CSNK1A1: variants seen among roughly 807,000 people sequenced by gnomAD.
CSNK1A1 encodes casein kinase 1 alpha 1.
CSNK1A1 carries 7 observed loss-of-function variants against 46.1 expected under a neutral mutation model. The ratio of observed to expected loss-of-function variants is 0.15; its 90% CI spans 0.09 to 0.29. CSNK1A1 has a LOEUF of 0.29. Among genes scored for constraint, CSNK1A1 ranks in the 10% least tolerant of loss-of-function variants. The pLI is 1.00. For missense variants in CSNK1A1, 96 were observed against 417.1 expected (o/e 0.23, Z 6.71); for synonymous variants, 137 against 141.5 (o/e 0.97, Z 0.23).
intron 2 of CSNK1A1, among the ~76,000 whole-genome samples, chr5:149,531,971 C>T (rs985442673): frequency 2.0e-5 from 3 of 152,068 alleles, no homozygotes; most frequent in Non-Finnish European, 4.4e-5. Context: ...ACAGTCTCTG[C>T]CTCCCAGGTT....
At chr5:149,512,934 TA>T (rs1163244390) in intron 5 of CSNK1A1, 135 bp downstream of exon 5, 17 of 1,034,616 alleles carry the variant, frequency 1.6e-5, no homozygotes, top group Non-Finnish European at 2.1e-5. Flanking sequence ...AAGCAGCAGG[TA>T]AAATGATTAA....
intron 2 of CSNK1A1, among the ~76,000 whole-genome samples, chr5:149,545,095 CCATCTCAA>C (rs1762430804): frequency 7.1e-5 from 10 of 140,504 alleles, no homozygotes; most frequent in Admixed American, 3.9e-4. Flanking sequence ...GAGCAAGACT[CCATCTCAA>C]AAAAAAAAAA....
intron 9 of CSNK1A1, chr5:149,497,190 A>T: frequency 9.5e-7 from 1 of 1,048,274 alleles, no homozygotes; most frequent in Non-Finnish European, 1.1e-6. Flanking sequence ...TCACATATTT[A>T]TCAAATCAAT....
At chr5:149,505,358 C>T in intron 9 of CSNK1A1, 89 bp downstream of exon 9, 1 of 1,486,456 alleles carries the variant, frequency 6.7e-7, no homozygotes, top group Admixed American at 2.4e-5. Context: ...TTTAAAACCA[C>T]CTCCTTGATC....
At chr5:149,498,217 A>G in intron 9 of CSNK1A1, 1 of 984,850 alleles carries the variant, frequency 1.0e-6, no homozygotes, top group Non-Finnish European at 1.2e-6. Context: ...TTTCTTATGC[A>G]TATATGCCCC....
At chr5:149,537,568 T>C (rs1762097298) in intron 2 of CSNK1A1, among the ~76,000 whole-genome samples, 1 of 151,872 alleles carries the variant, frequency 6.6e-6, no homozygotes, top group Non-Finnish European at 1.5e-5. Flanking sequence ...TAGAAATTCC[T>C]TGTGGTAATT....
intron 9 of CSNK1A1, chr5:149,501,070 G>A: frequency 1.0e-6 from 1 of 985,368 alleles, no homozygotes; most frequent in Non-Finnish European, 1.2e-6. Flanking sequence ...CAACACCACT[G>A]AGTCATAGCA....
chr5:149,541,277 C>G (rs188894569), intron 2 of CSNK1A1, among the ~76,000 whole-genome samples: 1 of 151,586 alleles, frequency 6.6e-6, no homozygotes, highest in East Asian at 2.0e-4. Context: ...CTCAGCCTCC[C>G]GAGTAGCTGG....
At chr5:149,534,659 G>A (rs919353002) in intron 2 of CSNK1A1, among the ~76,000 whole-genome samples, 2 of 151,952 alleles carry the variant, frequency 1.3e-5, no homozygotes, top group Non-Finnish European at 2.9e-5. Context: ...GGAGCCATGC[G>A]ATAGCTCACA....
intron 2 of CSNK1A1, among the ~76,000 whole-genome samples, chr5:149,535,908 C>T (rs559830508): frequency 5.9e-5 from 9 of 152,018 alleles, no homozygotes; most frequent in Admixed American, 3.9e-4. Context: ...AGCCTCCCAA[C>T]GTGCTGAGAT....
At chr5:149,497,212 T>C in intron 9 of CSNK1A1, 1 of 1,023,810 alleles carries the variant, frequency 9.8e-7, no homozygotes, top group Non-Finnish European at 1.2e-6. Context: ...AAAAACAGAT[T>C]GCTTTGCTTT....
intron 6 of CSNK1A1, among the ~76,000 whole-genome samples, chr5:149,511,571 C>T (rs1173510474): frequency 6.6e-6 from 1 of 152,164 alleles, no homozygotes; most frequent in Non-Finnish European, 1.5e-5. Context: ...TGGGTACCAG[C>T]TTACTGTCTC....
At chr5:149,547,116 CTATTCT>C (rs1324425157) in intron 2 of CSNK1A1, among the ~76,000 whole-genome samples, 1 of 152,214 alleles carries the variant, frequency 6.6e-6, no homozygotes, top group Admixed American at 6.5e-5. Flanking sequence ...AAGCCACACT[CTATTCT>C]TGGATGCCTT....
At chr5:149,507,451 G>A (rs764596460) in intron 7 of CSNK1A1, among the ~76,000 whole-genome samples, 1 of 151,396 alleles carries the variant, frequency 6.6e-6, no homozygotes, top group Non-Finnish European at 1.5e-5. Flanking sequence ...TCAAAGTCGC[G>A]CCTCTTCGTG....
At chr5:149,527,584 A>G (rs887767048) in intron 2 of CSNK1A1, among the ~76,000 whole-genome samples, 2 of 152,226 alleles carry the variant, frequency 1.3e-5, no homozygotes, top group African/African-American at 4.8e-5. Flanking sequence ...TGGGTAATAC[A>G]TAAATAACAG....
chr5:149,522,979 A>C (rs1761616627), intron 3 of CSNK1A1, among the ~76,000 whole-genome samples: 1 of 152,190 alleles, frequency 6.6e-6, no homozygotes, highest in Admixed American at 6.5e-5. Context: ...CTGAACAAAC[A>C]AAAACATAAG....
chr5:149,534,440 C>A (rs1029271734), intron 2 of CSNK1A1, among the ~76,000 whole-genome samples: 2 of 132,908 alleles, frequency 1.5e-5, no homozygotes, highest in Non-Finnish European at 3.1e-5. Flanking sequence ...GCTGAGATGG[C>A]GCCATTGCAC....
Position 149,550,845 on chromosome 5 carries a change from G to A in CSNK1A1, c.120C>T (p.Gly40=). 6.2e-7 allele frequency: 1 copy of A among 1,613,966 alleles called. No homozygotes were observed. Among genetic ancestry groups the A allele is most frequent in the Non-Finnish European group, 8.5e-7 (1 of 1,179,910 alleles). Residue 40 remains glycine, a synonymous_variant, in exon 1 of 10, where the codon GGC becomes GGT. Transcript: ENST00000377843. The surrounding 1 kb of genome is among the most constrained non-coding windows in gnomAD (Gnocchi z 4.3). The part of the protein sequence containing the change: ...DIYLAINITN[G]EEVAVKLESQ... ...GAACCCCACCCCAGATGATTACCTC[G>A]CCGTTGGTGATGTTGATCGCCAAAT...
intron 2 of CSNK1A1, among the ~76,000 whole-genome samples, chr5:149,542,292 G>A (rs1193515593): frequency 6.6e-6 from 1 of 151,896 alleles, no homozygotes; most frequent in East Asian, 1.9e-4. Context: ...GGTAGTTGCA[G>A]GAAAGCAAGC....
Sources: allele counts gnomAD v4.1 joint callset (sites outside exome capture counted in the v4.1 genomes callset), GRCh38; gene constraint gnomAD v4.1.1; non-coding constraint Gnocchi (gnomAD v3.1); transcripts MANE v1.5; gene names NCBI Gene and HGNC (gene_info 2026-07-23, HGNC 2026-07-21).